The following CNTNAP5 variants were observed in gnomAD, a reference collection of about 807,000 sequenced individuals.
CNTNAP5 encodes contactin associated protein family member 5.
In CNTNAP5, 72 loss-of-function variants were observed where a neutral mutation model predicts 150.2. The observed-to-expected ratio is 0.48, with a 90% CI of 0.40 to 0.58. The LOEUF (loss-of-function observed/expected upper bound fraction) is 0.58. CNTNAP5 is among the 20% of genes least tolerant of loss of function. The pLI is 0.00. For synonymous variants in CNTNAP5, 672 were observed against 619.8 expected, an observed-to-expected ratio of 1.08 and a Z score of -1.25; for missense variants, 1,636 against 1,626.2, an observed-to-expected ratio of 1.01 and a Z score of -0.10.
intron 7 of CNTNAP5, among the ~76,000 whole-genome samples, chr2:124,478,264 A>T (rs1693689292): frequency 1.3e-5 from 2 of 152,168 alleles, no homozygotes; most frequent in South Asian, 4.1e-4. Context: ...TATAGCACTT[A>T]TCAAGTTGCC....
chr2:124,569,235 A>C (rs945804703), intron 11 of CNTNAP5, among the ~76,000 whole-genome samples: 2 of 152,068 alleles, frequency 1.3e-5, no homozygotes, highest in Non-Finnish European at 2.9e-5. Flanking sequence ...ACTTTCTGAG[A>C]TCTTGTTTTA....
At chr2:124,763,649 T>C in intron 14 of CNTNAP5, 23 bp from the exon 15 acceptor site, 1 of 1,603,646 alleles carries the variant, frequency 6.2e-7, no homozygotes, top group Non-Finnish European at 8.5e-7. Context: ...GTCCTCTTTT[T>C]TTCTTAAATT....
At chr2:124,580,842 A>C (rs1696394916) in intron 11 of CNTNAP5, among the ~76,000 whole-genome samples, 1 of 152,228 alleles carries the variant, frequency 6.6e-6, no homozygotes, top group Admixed American at 6.5e-5. Flanking sequence ...CTGAATGATA[A>C]AATAGATATA....
intron 13 of CNTNAP5, among the ~76,000 whole-genome samples, chr2:124,694,279 G>A (rs1326311238): frequency 2.0e-5 from 3 of 152,038 alleles, no homozygotes; most frequent in Non-Finnish European, 4.4e-5. Flanking sequence ...GTTCTTTGAT[G>A]AGGCATAGAG....
At chr2:124,318,170 C>T (rs1488251051) in intron 3 of CNTNAP5, among the ~76,000 whole-genome samples, 1 of 152,008 alleles carries the variant, frequency 6.6e-6, no homozygotes, top group Non-Finnish European at 1.5e-5. Flanking sequence ...TTGCTTGGCC[C>T]CAAAACTACA....
chr2:124,580,168 T>C (rs74776619), intron 11 of CNTNAP5, among the ~76,000 whole-genome samples: 4,368 of 152,282 alleles, frequency 0.029, 209 homozygotes, highest in African/African-American at 0.1. Context: ...TTGACAATGG[T>C]GACAATGACA....
intron 3 of CNTNAP5, among the ~76,000 whole-genome samples, chr2:124,270,703 G>A (rs1173527368): frequency 2.0e-5 from 3 of 151,552 alleles, no homozygotes; most frequent in Non-Finnish European, 2.9e-5. Context: ...TTGCGTGCAT[G>A]TGTGTGTGTG....
intron 2 of CNTNAP5, among the ~76,000 whole-genome samples, chr2:124,238,410 C>T (rs369258926): frequency 6.6e-6 from 1 of 152,082 alleles, no homozygotes; most frequent in East Asian, 1.9e-4. Context: ...CCATCTATTC[C>T]TCCAAAGTCA....
chr2:124,637,243 A>G (rs1292903735), intron 12 of CNTNAP5, among the ~76,000 whole-genome samples: 6 of 152,128 alleles, frequency 3.9e-5, no homozygotes, highest in East Asian at 1.9e-4. Flanking sequence ...TTTAATCTGG[A>G]AGGCCCAACT....
chr2:124,183,749 A>G (rs890234992), intron 1 of CNTNAP5, among the ~76,000 whole-genome samples: 4 of 152,186 alleles, frequency 2.6e-5, no homozygotes, highest in Non-Finnish European at 5.9e-5. Flanking sequence ...TTTTCAGTGT[A>G]ATGTGCCAGG....
intron 1 of CNTNAP5, among the ~76,000 whole-genome samples, chr2:124,146,374 A>T (rs183957922): frequency 7.9e-5 from 12 of 152,294 alleles, no homozygotes; most frequent in Admixed American, 2.0e-4. Context: ...TTTTCAAATC[A>T]TATTAAATTT....
intron 3 of CNTNAP5, among the ~76,000 whole-genome samples, chr2:124,396,499 A>G (rs1480070513): frequency 6.6e-6 from 1 of 152,194 alleles, no homozygotes; most frequent in Admixed American, 6.5e-5. Flanking sequence ...AAATGCTTTA[A>G]TAAATACGTT....
intron 13 of CNTNAP5, among the ~76,000 whole-genome samples, chr2:124,707,200 A>AGAAGACGAG (rs1679707756): frequency 6.9e-6 from 1 of 144,114 alleles, no homozygotes; most frequent in Admixed American, 7.1e-5. Flanking sequence ...AAGAAGAAGA[A>AGAAGACGAG]GAAGAATAAA....
At chr2:124,376,037 A>G (rs539281251) in intron 3 of CNTNAP5, among the ~76,000 whole-genome samples, 1 of 152,210 alleles carries the variant, frequency 6.6e-6, no homozygotes, top group South Asian at 2.1e-4. Context: ...TATATTTTTC[A>G]TAAGAACTGA....
intron 19 of CNTNAP5, among the ~76,000 whole-genome samples, chr2:124,850,934 T>C (rs1683140959): frequency 6.6e-6 from 1 of 152,216 alleles, no homozygotes; most frequent in African/African-American, 2.4e-5. Flanking sequence ...GTTTTGGTGG[T>C]AGCTTAGGGT....
chr2:124,567,884 T>G (rs80205853), intron 11 of CNTNAP5, among the ~76,000 whole-genome samples: 70 of 137,320 alleles, frequency 5.1e-4, no homozygotes, highest in African/African-American at 1.2e-3. Flanking sequence ...TAGATAGATA[T>G]AGATAGATAG....
intron 1 of CNTNAP5, among the ~76,000 whole-genome samples, chr2:124,065,355 T>C (rs1450439397): frequency 6.6e-6 from 1 of 152,172 alleles, no homozygotes; most frequent in Non-Finnish European, 1.5e-5. Flanking sequence ...GATTCAGACC[T>C]TGAGCCATTC....
At chr2:124,067,756 C>T (rs1178320548) in intron 1 of CNTNAP5, among the ~76,000 whole-genome samples, 2 of 152,106 alleles carry the variant, frequency 1.3e-5, no homozygotes, top group Non-Finnish European at 2.9e-5. Flanking sequence ...GAATGGAGAA[C>T]ACACTGTTCA....
At chr2:124,510,477 G>GTATATATATATATATATATATATA (rs70996072) in intron 8 of CNTNAP5, among the ~76,000 whole-genome samples, 4 of 102,600 alleles carry the variant, frequency 3.9e-5, no homozygotes, top group Non-Finnish European at 7.5e-5. Flanking sequence ...TTATGTATGT[G>GTATATATATATATATATATATATA]TATATATATA....
Sources: allele counts gnomAD v4.1 joint callset (sites outside exome capture counted in the v4.1 genomes callset), GRCh38; gene constraint gnomAD v4.1.1; transcripts MANE v1.5; gene names NCBI Gene and HGNC (gene_info 2026-07-23, HGNC 2026-07-21).